Variants in MATR3 observed in about 807,000 individuals in gnomAD.
MATR3 encodes the protein matrin-3.
Under a neutral mutation model 85.5 loss-of-function variants are expected in MATR3, and 4 were observed. The observed-to-expected ratio is 0.05, with a 90% CI of 0.02 to 0.11. MATR3 has a LOEUF of 0.11. Among genes scored for constraint, MATR3 ranks in the 10% least tolerant of loss-of-function variants. The probability of loss-of-function intolerance (pLI) is 1.00; values close to 1 mark genes in which losing one functional copy is unlikely to be tolerated. For missense variants in MATR3, 685 were observed against 1,016.1 expected (o/e 0.67, Z 4.43); for synonymous variants, 336 against 343.1 (o/e 0.98, Z 0.23).
At position 139,307,813 on chromosome 5, in the gene MATR3, T is replaced by C. The variant is rs1289542450; in HGVS notation, c.398T>C (p.Ile133Thr). Residue 133 changes from isoleucine (I) to threonine (T), a missense_variant, in exon 2 of 15, where the codon ATT becomes ACT. Transcript: ENST00000394805. The surrounding 1 kb of genome is among the most constrained non-coding windows in gnomAD (Gnocchi z 4.4). ...DELSRYPEDK[I>T]TPENLPQILL... is the part of the protein sequence containing the mutation. ...CTGAGTCGTTATCCAGAGGACAAGA[T>C]TACTCCTGAGAATTTGCCCCAAATC... The C allele has an allele frequency of 6.2e-7, 1 of 1,614,072 alleles. No homozygotes were observed. The highest frequency in any genetic ancestry group is 2.2e-5 in the East Asian group (1 of 44,878).
chr5:139,319,173 C>G (rs764117300), intron 8 of MATR3, 140 bp downstream of exon 8: 32 of 1,240,540 alleles, frequency 2.6e-5, no homozygotes, highest in Non-Finnish European at 3.6e-5. Context: ...AGGCCAAGGT[C>G]AGAAGGATTA....
chr5:139,286,298 A>G (rs933873778), intron 3 of MATR3, among the ~76,000 whole-genome samples: 5 of 152,130 alleles, frequency 3.3e-5, no homozygotes, highest in Middle Eastern at 3.4e-3. Context: ...AAGGCTCTGC[A>G]TTTGTCTCTA....
At position 139,303,351 on chromosome 5, in the gene MATR3, C is replaced by T. The variant is rs1014772220; in HGVS notation, c.-177-3888C>T. On this transcript the variant is annotated intron_variant, in intron 1 of 14. Transcript: ENST00000394805. ...TCTTGACCTCGTGATCAACCCACCTCGGCTTCCCAAAGTGCAGGGATTACA... is the reference window on the plus strand; with the variant it reads ...TCTTGACCTCGTGATCAACCCACCTTGGCTTCCCAAAGTGCAGGGATTACA... Among the ~76,000 whole-genome samples the T allele has an allele frequency of 4.6e-5, 7 of 152,110 alleles. No individual in the cohort carries two copies. The South Asian group carries it at 6.2e-4, about 13-fold the overall frequency.
rs781141878 is a variant in MATR3 at position 139,322,612 on chromosome 5, C to T, written c.1793C>T (p.Ser598Phe). 6.2e-7 allele frequency: 1 copy of T among 1,614,074 alleles called. No individual in the cohort carries two copies. The change falls in exon 12 of 15, where the codon TCT (serine) becomes TTT (phenylalanine). Residue 598 changes from serine to phenylalanine, a missense_variant. Physicochemically the swap from Ser to Phe is radical, Grantham distance 155 (BLOSUM62 -2). This residue lies in a region of MATR3 where 50 missense variants were observed against 133.4 expected (regional missense o/e 0.37). Coordinates refer to ENST00000394805, the MANE Select transcript of MATR3 (RefSeq NM_018834.6). ...TTTGATTTCAGAAAAAGATCTTACT[C>T]TCCAGATGGCAAAGAATCTCCAAGT... ...KKDKSRKRSY[S>F]PDGKESPSDK...
rs772188357 is a variant in MATR3 at position 139,329,576 on chromosome 5, T to C, written c.*181T>C. On this transcript the variant is annotated 3_prime_UTR_variant, in exon 15 of 15. Transcript: ENST00000394805. The stretch of plus-strand genomic sequence containing the variant: ...TATAGCAAAAAAAATACACATATGG[T>C]TAAGTTAATGAATAGTTTTTGTTTT... The C allele has an allele frequency of 1.5e-5, 9 of 618,104 alleles. No individual in the cohort carries two copies. The Admixed American group carries it at 1.7e-4, about 12-fold the overall frequency. 38.3% of individuals were successfully genotyped at this position (618,104 alleles called of 1,614,324 possible). A position where few individuals can be genotyped will look rare whatever the true frequency, so the allele number is the denominator to read the frequency against.
At chr5:139,294,050 C>T (rs1375172885) in intron 1 of MATR3, 6 of 1,248,578 alleles carry the variant, frequency 4.8e-6, no homozygotes, top group Non-Finnish European at 6.1e-6. Flanking sequence ...GGGAGGGAAA[C>T]ACGCGGCCGG....
upstream of MATR3, among the ~76,000 whole-genome samples, chr5:139,291,026 G>A (rs755025442): frequency 2.0e-5 from 3 of 152,010 alleles, no homozygotes; most frequent in East Asian, 1.9e-4. Flanking sequence ...AGGCTGAGGC[G>A]GAAGGATTGC....
chr5:139,314,249 T>C (rs1755136566), intron 2 of MATR3: 2 of 225,422 alleles, frequency 8.9e-6, no homozygotes, highest in African/African-American at 4.5e-5. Flanking sequence ...TTGTTCACAT[T>C]TATAGTATAT....
rs769278144 is a variant in MATR3 at position 139,307,397 on chromosome 5, G to C, written c.-19G>C. On this transcript the variant is annotated 5_prime_UTR_variant, in exon 2 of 15. Transcript: ENST00000394805. This position sits in a 1 kb window ranked among gnomAD's most constrained non-coding sequence, Gnocchi z 4.4. ...ATTTTTTTTTTTAATCTATAAAATA[G>C]ACAAGAGCTAGTTCTACAATGTCCA... 4 of 1,608,152 alleles carry C rather than the reference G, an allele frequency of 2.5e-6. No homozygotes were observed. Among genetic ancestry groups the C allele is most frequent in the East Asian group, 2.2e-5 (1 of 44,828 alleles).
chr5:139,310,611 C>A (rs1754919260), intron 2 of MATR3: 1 of 152,034 alleles, frequency 6.6e-6, no homozygotes, highest in South Asian at 2.1e-4. Flanking sequence ...AAAATCTGTT[C>A]TTTTTACTTA....
chr5:139,312,290 G>T (rs1755028754), intron 2 of MATR3: 1 of 152,202 alleles, frequency 6.6e-6, no homozygotes, highest in African/African-American at 2.4e-5. Context: ...TAGAGATCGG[G>T]TTTCACTGTG....
chr5:139,300,122 T>C (rs1334632653), intron 1 of MATR3, among the ~76,000 whole-genome samples: 2 of 152,224 alleles, frequency 1.3e-5, no homozygotes, highest in Non-Finnish European at 2.9e-5. Context: ...CCCAGCACTT[T>C]GGGAGGCCAA....
intron 2 of MATR3, chr5:139,311,364 C>T (rs1036661467): frequency 1.3e-5 from 2 of 152,056 alleles, no homozygotes; most frequent in Non-Finnish European, 2.9e-5. Context: ...CAGGAGTTAC[C>T]TCAGTGTAGA....
chr5:139,274,611 A>G (rs1218659240), intron 1 of MATR3, among the ~76,000 whole-genome samples: 1 of 152,156 alleles, frequency 6.6e-6, no homozygotes, highest in African/African-American at 2.4e-5. Context: ...ATGGCTGGAA[A>G]AAGGTATGAT....
exon 1 of MATR3, chr5:139,274,145 G>T (rs1294501565): frequency 2.3e-6 from 1 of 433,792 alleles, no homozygotes; most frequent in African/African-American, 2.1e-5. Flanking sequence ...GCCCTGCGGA[G>T]CTCCGAACAC....
At position 139,330,674 on chromosome 5, in the gene MATR3, G is replaced by GT. The variant is rs1561949253; in HGVS notation, c.*1282dup. 2.2e-6 allele frequency: 1 copy of GT among 454,108 alleles called. No individual in the cohort carries two copies. Among genetic ancestry groups the GT allele is most frequent in the South Asian group, 1.6e-5 (1 of 64,482 alleles). 28.1% of individuals were successfully genotyped at this position (454,108 alleles called of 1,614,324 possible). On this transcript the variant is annotated 3_prime_UTR_variant, in exon 15 of 15. Transcript: ENST00000394805. ...TACAGGTGAACAAACAGAAGCTTAT[G>GT]TTTAGAGATATTGATGACTTAACAG...
At chr5:139,288,055 A>G (rs774583635) in intron 3 of MATR3, among the ~76,000 whole-genome samples, 1 of 151,972 alleles carries the variant, frequency 6.6e-6, no homozygotes, top group Non-Finnish European at 1.5e-5. Flanking sequence ...TACAAAAAAT[A>G]CCAAAAAAAA....
rs1183061496 is a variant in MATR3, at chr5:139,331,072, T to A, written c.*1677T>A. The A allele has an allele frequency of 6.6e-6, 3 of 453,912 alleles. No homozygotes were observed. Among genetic ancestry groups the A allele is most frequent in the Non-Finnish European group, 1.3e-5 (3 of 226,750 alleles). 28.1% of individuals were successfully genotyped at this position (453,912 alleles called of 1,614,324 possible). A position where few individuals can be genotyped will look rare whatever the true frequency, so the allele number is the denominator to read the frequency against. On this transcript the variant is annotated 3_prime_UTR_variant, in exon 15 of 15. Coordinates refer to ENST00000394805, the MANE Select transcript of MATR3 (RefSeq NM_018834.6). ...TCCCAAAGTGCTGGGACTGTAGGCATGAGCCACCATCCCTGGCCAAGAAAC... is the reference window on the plus strand; with the variant it reads ...TCCCAAAGTGCTGGGACTGTAGGCAAGAGCCACCATCCCTGGCCAAGAAAC...
chr5:139,311,750 C>CTTTTTTTTTTTTTTTTTTTTTTT (rs552172719), intron 2 of MATR3: 3 of 65,234 alleles, frequency 4.6e-5, no homozygotes, highest in African/African-American at 6.5e-5. Flanking sequence ...TTAATTAATC[C>CTTTTTTTTTTTTTTTTTTTTTTT]TTTTTTTTTT....
Sources: allele counts gnomAD v4.1 joint callset (sites outside exome capture counted in the v4.1 genomes callset), GRCh38; gene constraint gnomAD v4.1.1; regional missense constraint gnomAD v4.1.1; non-coding constraint Gnocchi (gnomAD v3.1); transcripts MANE v1.5; gene names NCBI Gene and HGNC (gene_info 2026-07-23, HGNC 2026-07-21).